The following SLC24A2 variants were observed in gnomAD, a reference collection of about 807,000 sequenced individuals.
SLC24A2 encodes sodium/potassium/calcium exchanger 2.
In SLC24A2, 36 loss-of-function variants were observed where a neutral mutation model predicts 62.0. The ratio of observed to expected loss-of-function variants is 0.58; its 90% CI spans 0.44 to 0.77. The LOEUF is 0.77. SLC24A2 is among the 30% of genes least tolerant of loss of function. The probability of loss-of-function intolerance (pLI) is 0.00; values close to 1 mark genes in which losing one functional copy is unlikely to be tolerated. For synonymous variants in SLC24A2, 358 were observed against 294.0 expected, an observed-to-expected ratio of 1.22 and a Z score of -2.23; for missense variants, 846 against 817.9, an observed-to-expected ratio of 1.03 and a Z score of -0.42.
the SLC24A2 span, among the ~76,000 whole-genome samples, chr9:20,243,095 G>A: frequency 6.6e-6 from 1 of 152,094 alleles, no homozygotes; most frequent in African/African-American, 2.4e-5. Context: ...AGACCTCCTT[G>A]GTTACAGACG....
intron 8 of SLC24A2, among the ~76,000 whole-genome samples, chr9:19,542,910 G>T (rs1313424897): frequency 6.6e-6 from 1 of 152,094 alleles, no homozygotes; most frequent in Non-Finnish European, 1.5e-5. Context: ...TTTTTGTTGT[G>T]TCTCTGGCAG....
the SLC24A2 span, among the ~76,000 whole-genome samples, chr9:20,198,285 T>C: frequency 6.6e-6 from 1 of 152,222 alleles, no homozygotes; most frequent in Non-Finnish European, 1.5e-5. Context: ...CAGGAGTGAA[T>C]TGTTGCTCTG....
the SLC24A2 span, among the ~76,000 whole-genome samples, chr9:19,882,261 C>A: frequency 3.3e-5 from 5 of 152,156 alleles, no homozygotes; most frequent in Non-Finnish European, 7.3e-5. Flanking sequence ...ACCGAACATG[C>A]ATTTTTAAGT....
At chr9:19,568,535 G>C (rs773224525) in intron 7 of SLC24A2, among the ~76,000 whole-genome samples, 8 of 152,154 alleles carry the variant, frequency 5.3e-5, no homozygotes, top group Non-Finnish European at 1.2e-4. Flanking sequence ...GGTTCTAAGA[G>C]CATTTATCCT....
At chr9:20,222,272 G>T in the SLC24A2 span, among the ~76,000 whole-genome samples, 7 of 150,938 alleles carry the variant, frequency 4.6e-5, no homozygotes, top group African/African-American at 1.7e-4. Flanking sequence ...AGAAGAAAGG[G>T]AGTCAAAAAA....
At chr9:19,732,451 T>G (rs1057045058) in intron 2 of SLC24A2, among the ~76,000 whole-genome samples, 1 of 152,200 alleles carries the variant, frequency 6.6e-6, no homozygotes, top group African/African-American at 2.4e-5. Context: ...GCTGGCAGCC[T>G]TTCTTATTTT....
chr9:19,989,077 C>T, the SLC24A2 span, among the ~76,000 whole-genome samples: 1 of 151,954 alleles, frequency 6.6e-6, no homozygotes, highest in Non-Finnish European at 1.5e-5. Flanking sequence ...GTAAACAATG[C>T]TACATGAAAA....
chr9:20,147,587 C>A, the SLC24A2 span, among the ~76,000 whole-genome samples: 1 of 152,136 alleles, frequency 6.6e-6, no homozygotes, highest in South Asian at 2.1e-4. Context: ...ATCAAACAGA[C>A]CCCAACTCAT....
At chr9:19,550,368 T>A (rs1834784761) in intron 7 of SLC24A2, 100 bp from the exon 8 acceptor site, 1 of 1,291,144 alleles carries the variant, frequency 7.7e-7, no homozygotes, top group African/African-American at 1.5e-5. Context: ...CCATGTCTTA[T>A]CAGTTTTCTG....
chr9:19,783,954 CAGAAAT>C (rs941128419), intron 2 of SLC24A2, among the ~76,000 whole-genome samples: 59 of 152,252 alleles, frequency 3.9e-4, no homozygotes, highest in African/African-American at 1.4e-3. Context: ...AAATCAGAAA[CAGAAAT>C]AGTTATGAAT....
intron 8 of SLC24A2, among the ~76,000 whole-genome samples, chr9:19,543,933 A>G (rs112166436): frequency 2.7e-4 from 41 of 152,138 alleles, no homozygotes; most frequent in African/African-American, 9.7e-4. Context: ...AGTTCTGTAG[A>G]TGTTTATTAG....
chr9:19,879,766 A>G, the SLC24A2 span, among the ~76,000 whole-genome samples: 8 of 152,316 alleles, frequency 5.3e-5, no homozygotes, highest in South Asian at 1.7e-3. Context: ...AAAAGTCAGC[A>G]TATGGAATTT....
chr9:19,558,644 A>T (rs909619245), intron 7 of SLC24A2, among the ~76,000 whole-genome samples: 1 of 152,200 alleles, frequency 6.6e-6, no homozygotes, highest in African/African-American at 2.4e-5. Context: ...AAGAACTGAA[A>T]TAGGAGATAA....
At chr9:19,978,383 C>T in the SLC24A2 span, among the ~76,000 whole-genome samples, 1 of 151,948 alleles carries the variant, frequency 6.6e-6, no homozygotes, top group East Asian at 1.9e-4. Flanking sequence ...TTATCTTTAG[C>T]CTGCTCCAAA....
the SLC24A2 span, among the ~76,000 whole-genome samples, chr9:19,851,595 T>C: frequency 6.6e-6 from 1 of 152,144 alleles, no homozygotes; most frequent in African/African-American, 2.4e-5. Flanking sequence ...TTTCTGTTCC[T>C]GCATTAGTTT....
chr9:20,303,271 C>T, the SLC24A2 span, among the ~76,000 whole-genome samples: 1 of 152,154 alleles, frequency 6.6e-6, no homozygotes, highest in African/African-American at 2.4e-5. Flanking sequence ...CCAAAGGGTA[C>T]ATCCCTCCTC....
the SLC24A2 span, among the ~76,000 whole-genome samples, chr9:20,250,770 C>T: frequency 6.6e-6 from 1 of 152,204 alleles, no homozygotes; most frequent in South Asian, 2.1e-4. Flanking sequence ...TACATGGTAT[C>T]CAAAATTTCC....
chr9:20,052,716 A>C, the SLC24A2 span, among the ~76,000 whole-genome samples: 1 of 152,228 alleles, frequency 6.6e-6, no homozygotes, highest in African/African-American at 2.4e-5. Context: ...CCTGGGCATC[A>C]TAAGATATCC....
At chr9:19,666,078 C>A (rs1262456444) in intron 2 of SLC24A2, among the ~76,000 whole-genome samples, 3 of 152,112 alleles carry the variant, frequency 2.0e-5, no homozygotes, top group African/African-American at 4.8e-5. Flanking sequence ...ATATGATGCT[C>A]TCCTTTGGAG....
Sources: allele counts gnomAD v4.1 joint callset (sites outside exome capture counted in the v4.1 genomes callset), GRCh38; gene constraint gnomAD v4.1.1; transcripts MANE v1.5; gene names NCBI Gene and HGNC (gene_info 2026-07-23, HGNC 2026-07-21).